Variants in PLCB1 observed in about 807,000 individuals in gnomAD.
The protein encoded by PLCB1 is 1-phosphatidylinositol 4,5-bisphosphate phosphodiesterase beta-1.
Under a neutral mutation model 161.8 loss-of-function variants are expected in PLCB1, and 46 were observed. The observed-to-expected ratio is 0.28, with a 90% CI of 0.22 to 0.36. The LOEUF is 0.36. Ranked by LOEUF, PLCB1 falls within the 10% of genes least tolerant of loss-of-function variation. PLCB1 has a pLI of 1.00. For missense variants in PLCB1, 1,016 were observed against 1,472.5 expected (o/e 0.69, Z 5.07); for synonymous variants, 517 against 503.7 (o/e 1.03, Z -0.35).
intron 2 of PLCB1, among the ~76,000 whole-genome samples, chr20:8,215,385 C>G (rs565009625): frequency 1.3e-5 from 2 of 152,044 alleles, no homozygotes; most frequent in Admixed American, 1.3e-4. Context: ...TGGGGAGCAT[C>G]TTTGTAGTCT....
intron 2 of PLCB1, among the ~76,000 whole-genome samples, chr20:8,181,527 A>G (rs919137894): frequency 1.4e-4 from 22 of 152,188 alleles, no homozygotes; most frequent in Non-Finnish European, 3.1e-4. Context: ...TAGAGCTTAT[A>G]AGCCAATATG....
chr20:8,139,081 GTTTTT>G (rs71329695), intron 1 of PLCB1, among the ~76,000 whole-genome samples: 1 of 91,628 alleles, frequency 1.1e-5, no homozygotes, highest in South Asian at 4.2e-4. Context: ...TATTTCAAGG[GTTTTT>G]TTTTTTTTTT....
At chr20:8,551,964 A>G (rs1235064712) in intron 3 of PLCB1, among the ~76,000 whole-genome samples, 1 of 152,232 alleles carries the variant, frequency 6.6e-6, no homozygotes, top group Admixed American at 6.5e-5. Flanking sequence ...GGCTGTGGTT[A>G]CAATGAGATT....
intron 2 of PLCB1, among the ~76,000 whole-genome samples, chr20:8,278,649 A>G (rs1043254676): frequency 8.5e-5 from 13 of 152,094 alleles, no homozygotes; most frequent in Admixed American, 7.9e-4. Flanking sequence ...AGCTATCACT[A>G]TATGTCCATC....
intron 3 of PLCB1, among the ~76,000 whole-genome samples, chr20:8,561,895 T>C (rs1328144078): frequency 6.6e-6 from 1 of 152,028 alleles, no homozygotes; most frequent in African/African-American, 2.4e-5. Context: ...CTAATAAGCC[T>C]ATTCCCTCCA....
intron 3 of PLCB1, among the ~76,000 whole-genome samples, chr20:8,490,679 T>G (rs1420127376): frequency 6.6e-6 from 1 of 152,166 alleles, no homozygotes; most frequent in African/African-American, 2.4e-5. Flanking sequence ...ACATGGGTAG[T>G]GATATTGCAG....
At chr20:8,636,393 G>C (rs1444332152) in intron 4 of PLCB1, among the ~76,000 whole-genome samples, 1 of 152,172 alleles carries the variant, frequency 6.6e-6, no homozygotes, top group Non-Finnish European at 1.5e-5. Context: ...ACTGGTAGGT[G>C]TCCTTTGTTG....
chr20:8,213,922 G>A (rs756458852), intron 2 of PLCB1, among the ~76,000 whole-genome samples: 6 of 151,970 alleles, frequency 3.9e-5, no homozygotes, highest in East Asian at 1.9e-4. Flanking sequence ...TACAAATAAC[G>A]TCATTTTCCG....
At chr20:8,784,315 C>A (rs1453487981) in intron 27 of PLCB1, among the ~76,000 whole-genome samples, 2 of 151,860 alleles carry the variant, frequency 1.3e-5, no homozygotes, top group Non-Finnish European at 2.9e-5. Flanking sequence ...GTAATCCCAG[C>A]ACTTTGGGAG....
At chr20:8,495,815 C>A (rs1983147183) in intron 3 of PLCB1, among the ~76,000 whole-genome samples, 1 of 152,166 alleles carries the variant, frequency 6.6e-6, no homozygotes, top group African/African-American at 2.4e-5. Context: ...TCTATTCCAT[C>A]CTTTCTGCAA....
At chr20:8,390,970 G>A (rs181698081) in intron 3 of PLCB1, among the ~76,000 whole-genome samples, 1 of 151,196 alleles carries the variant, frequency 6.6e-6, no homozygotes, top group Non-Finnish European at 1.5e-5. Context: ...TGCACGTAAG[G>A]CACCTAACAC....
At chr20:8,474,903 T>C (rs1982205813) in intron 3 of PLCB1, among the ~76,000 whole-genome samples, 1 of 152,074 alleles carries the variant, frequency 6.6e-6, no homozygotes, top group Admixed American at 6.6e-5. Flanking sequence ...TTCTGCTGCT[T>C]TCACCTGAAG....
intron 3 of PLCB1, among the ~76,000 whole-genome samples, chr20:8,588,442 A>G (rs1386149912): frequency 6.6e-6 from 1 of 152,136 alleles, no homozygotes; most frequent in African/African-American, 2.4e-5. Context: ...CCATATTCAT[A>G]TGTTGAAGCC....
intron 3 of PLCB1, among the ~76,000 whole-genome samples, chr20:8,539,621 T>TTTCTTTCTTTCTTTCTTTCCTTCC (rs777688918): frequency 9.1e-5 from 4 of 43,744 alleles, no homozygotes; most frequent in Non-Finnish European, 1.8e-4. Flanking sequence ...CTTTATTTTC[T>TTTCTTTCTTTCTTTCTTTCCTTCC]TTCTTTCTTT....
chr20:8,593,169 T>A (rs1326447314), intron 3 of PLCB1, among the ~76,000 whole-genome samples: 1 of 152,100 alleles, frequency 6.6e-6, no homozygotes, highest in African/African-American at 2.4e-5. Flanking sequence ...CCCCATATCT[T>A]ACACGCATAC....
At chr20:8,764,023 C>T (rs1394880060) in intron 25 of PLCB1, among the ~76,000 whole-genome samples, 6 of 151,936 alleles carry the variant, frequency 3.9e-5, no homozygotes, top group South Asian at 2.1e-4. Context: ...AATAATTATC[C>T]GGGCATGTTG....
At chr20:8,727,493 G>A in intron 17 of PLCB1, 100 bp downstream of exon 17, 1 of 704,768 alleles carries the variant, frequency 1.4e-6, no homozygotes, top group Non-Finnish European at 2.5e-6. Flanking sequence ...GCATAAAATG[G>A]CTTAAGTATA....
chr20:8,699,478 C>T (rs1990652429), intron 11 of PLCB1, among the ~76,000 whole-genome samples: 1 of 152,190 alleles, frequency 6.6e-6, no homozygotes, highest in Non-Finnish European at 1.5e-5. Flanking sequence ...CTTTTGGCTG[C>T]CTCATGGGAA....
intron 5 of PLCB1, among the ~76,000 whole-genome samples, chr20:8,646,970 C>T (rs55782505): frequency 0.057 from 8,617 of 152,276 alleles, 807 homozygotes; most frequent in African/African-American, 0.2. Flanking sequence ...TTATGTAAGA[C>T]ATACCCATCA....
Sources: gnomAD v4.1 joint callset for allele counts (sites outside exome capture counted in the v4.1 genomes callset) on GRCh38, gnomAD v4.1.1 for gene constraint, MANE v1.5 for transcripts, NCBI Gene and HGNC (gene_info 2026-07-23, HGNC 2026-07-21) for gene names.